Variants in EIF3E observed in about 807,000 individuals in gnomAD.
EIF3E encodes the protein eIF-3 p48.
A neutral mutation model predicts 59.3 loss-of-function variants in EIF3E; 25 were observed. That is an observed-to-expected ratio of 0.42 (90% CI 0.31 to 0.59). The LOEUF (loss-of-function observed/expected upper bound fraction) is 0.59. EIF3E is among the 20% of genes least tolerant of loss of function. The pLI is 0.15. For synonymous variants in EIF3E, 176 were observed against 170.2 expected (o/e 1.03, Z -0.26); for missense variants, 317 against 534.3 (o/e 0.59, Z 4.01).
intron 10 of EIF3E, among the ~76,000 whole-genome samples, chr8:108,204,415 T>C (rs1485562447): frequency 6.6e-6 from 1 of 152,012 alleles, no homozygotes; most frequent in African/African-American, 2.4e-5. Flanking sequence ...TGGATGAAAC[T>C]GGAGGCCATT....
At chr8:108,203,571 G>A in intron 10 of EIF3E, 68 bp from the exon 11 acceptor site, 1 of 1,206,206 alleles carries the variant, frequency 8.3e-7, no homozygotes, top group South Asian at 1.2e-5. Context: ...TGTACACAGT[G>A]TTGACTCACA....
At chr8:108,221,150 C>G (rs1484855227) in intron 7 of EIF3E, among the ~76,000 whole-genome samples, 1 of 152,032 alleles carries the variant, frequency 6.6e-6, no homozygotes, top group African/African-American at 2.4e-5. Flanking sequence ...AAAAGAACCC[C>G]TCAGACACTT....
intron 3 of EIF3E, among the ~76,000 whole-genome samples, chr8:108,238,666 T>C (rs1216501176): frequency 1.3e-5 from 2 of 152,126 alleles, no homozygotes; most frequent in African/African-American, 4.8e-5. Flanking sequence ...TAGTATAGTA[T>C]AGTACGCTAT....
At chr8:108,215,263 T>C (rs1212065883) in intron 9 of EIF3E, among the ~76,000 whole-genome samples, 1 of 150,908 alleles carries the variant, frequency 6.6e-6, no homozygotes, top group Non-Finnish European at 1.5e-5. Flanking sequence ...AATATATGAC[T>C]ACAAAAAAAA....
chr8:108,240,243 C>T, intron 2 of EIF3E, 168 bp from the exon 3 acceptor site: 2 of 637,648 alleles, frequency 3.1e-6, no homozygotes, highest in South Asian at 1.9e-5. Context: ...TCCCCGATCC[C>T]TAATTTCTTT....
At chr8:108,228,149 G>T in intron 7 of EIF3E, 118 bp downstream of exon 7, 1 of 961,064 alleles carries the variant, frequency 1.0e-6, no homozygotes, top group East Asian at 3.3e-5. Context: ...ACTACATGAA[G>T]AAAAAAAAAA....
intron 6 of EIF3E, 49 bp from the exon 7 acceptor site, chr8:108,228,440 G>A (rs1369525918): frequency 7.6e-7 from 1 of 1,324,274 alleles, no homozygotes; most frequent in Admixed American, 3.2e-5. Context: ...ATATAAGAAA[G>A]AGGCAGGAGG....
Position 108,217,509 on chromosome 8 carries a change from A to C in EIF3E, c.723-49T>G, listed in dbSNP as rs774920867. 2.1e-5 allele frequency: 31 copies of C among 1,500,022 alleles called. 1 individual carries two copies. The East Asian group carries it at 7.5e-4, about 37-fold the overall frequency. The allele number at this position is 1,500,022 out of a possible 1,614,324, so 92.9% of individuals were successfully genotyped here. Reference sequence around the variant, plus strand: ...TTAATAACTTACCCAGGGTGAGATAAAGAAAACTCTCGAGCAGGTCATTAG... The same window carrying C: ...TTAATAACTTACCCAGGGTGAGATACAGAAAACTCTCGAGCAGGTCATTAG... On this transcript the variant is annotated intron_variant, in intron 7 of 12. Transcript: ENST00000220849.
At chr8:108,247,275 T>C (rs1815965461) in intron 1 of EIF3E, among the ~76,000 whole-genome samples, 1 of 152,186 alleles carries the variant, frequency 6.6e-6, no homozygotes, top group Non-Finnish European at 1.5e-5. Flanking sequence ...ATATATAAAG[T>C]TCAGCTAGTT....
In EIF3E at chr8:108,234,984, G is replaced by C. The variant is rs751907708; in HGVS notation, c.471+14C>G. 4 of 946,892 alleles carry C rather than the reference G, an allele frequency of 4.2e-6. No homozygotes were observed. The highest frequency in any genetic ancestry group is 6.4e-6 in the Non-Finnish European group (4 of 627,576). 58.7% of individuals were successfully genotyped at this position (946,892 alleles called of 1,614,324 possible). ...ACAAAAAAAAAAAAAAAAAAAACAT[G>C]TACTTATACTTACCAGCACTCTAAA... On this transcript the variant is annotated intron_variant, in intron 5 of 12. Transcript: ENST00000220849.
intron 10 of EIF3E, 87 bp from the exon 11 acceptor site, chr8:108,203,590 A>G: frequency 9.7e-7 from 1 of 1,031,032 alleles, no homozygotes; most frequent in East Asian, 2.4e-5. Flanking sequence ...CACTCTGCAT[A>G]GATACTTTTT....
intron 3 of EIF3E, among the ~76,000 whole-genome samples, chr8:108,239,307 C>A (rs1320691709): frequency 1.3e-5 from 2 of 152,172 alleles, no homozygotes; most frequent in Non-Finnish European, 2.9e-5. Context: ...CTCAGCCTCC[C>A]AAGTAGCAAG....
chr8:108,234,844 G>A (rs1295755810), intron 5 of EIF3E, 154 bp downstream of exon 5: 7 of 415,714 alleles, frequency 1.7e-5, no homozygotes, highest in Middle Eastern at 1.3e-3. Flanking sequence ...CTGTTTTTGA[G>A]TGGGAGGGTT....
At chr8:108,217,655 A>G (rs1015404706) in intron 7 of EIF3E, among the ~76,000 whole-genome samples, 195 bp from the exon 8 acceptor site, 1 of 152,150 alleles carries the variant, frequency 6.6e-6, no homozygotes, top group African/African-American at 2.4e-5. Context: ...GGAGAATGCT[A>G]GCCACTATTT....
chr8:108,248,520 C>A (rs1199024471), intron 1 of EIF3E, 93 bp downstream of exon 1: 28 of 1,256,448 alleles, frequency 2.2e-5, no homozygotes, highest in Non-Finnish European at 2.8e-5. Context: ...CCGCCTCGCA[C>A]GTGTCAGGCC....
intron 1 of EIF3E, chr8:108,242,788 T>C (rs183716132): frequency 3.0e-4 from 145 of 490,594 alleles, no homozygotes; most frequent in African/African-American, 2.9e-3. Context: ...AACAGACACA[T>C]GAAAAGGTTC....
intron 10 of EIF3E, among the ~76,000 whole-genome samples, chr8:108,214,067 AT>A (rs1236385594): frequency 1.3e-5 from 2 of 152,310 alleles, no homozygotes; most frequent in Admixed American, 6.5e-5. Flanking sequence ...ACATTTCACA[AT>A]TTTTTCCCAA....
intron 5 of EIF3E, among the ~76,000 whole-genome samples, chr8:108,232,165 G>T (rs969865680): frequency 6.6e-6 from 1 of 152,062 alleles, no homozygotes; most frequent in African/African-American, 2.4e-5. Flanking sequence ...CAGATCTTGT[G>T]GTAGTGGCTA....
At chr8:108,248,280 CAGCCTGTGA>C (rs1214165760) in intron 1 of EIF3E, among the ~76,000 whole-genome samples, 4 of 152,156 alleles carry the variant, frequency 2.6e-5, no homozygotes, top group Non-Finnish European at 5.9e-5. Flanking sequence ...TTTTACAAGC[CAGCCTGTGA>C]AGCTCTAACG....
Sources: allele counts gnomAD v4.1 joint callset (sites outside exome capture counted in the v4.1 genomes callset), GRCh38; gene constraint gnomAD v4.1.1; transcripts MANE v1.5; gene names NCBI Gene and HGNC (gene_info 2026-07-23, HGNC 2026-07-21).